The following MED13L variants were observed in gnomAD, a reference collection of about 807,000 sequenced individuals.
MED13L encodes mediator of RNA polymerase II transcription subunit 13-like.
Under a neutral mutation model 220.9 loss-of-function variants are expected in MED13L, and 7 were observed. That is an observed-to-expected ratio of 0.03 (90% CI 0.02 to 0.06). The LOEUF (loss-of-function observed/expected upper bound fraction) is 0.06, where lower values mean the gene tolerates loss of function less well. MED13L is among the 10% of genes least tolerant of loss of function. The pLI is 1.00. For synonymous variants in MED13L, 1,011 were observed against 1,015.2 expected, an observed-to-expected ratio of 1.00 and a Z score of 0.08; for missense variants, 1,965 against 2,760.5, an observed-to-expected ratio of 0.71 and a Z score of 6.46.
intron 4 of MED13L, among the ~76,000 whole-genome samples, chr12:116,084,215 T>C (rs1410500802): frequency 6.6e-6 from 1 of 152,200 alleles, no homozygotes; most frequent in Non-Finnish European, 1.5e-5. Flanking sequence ...GGGAAAAGGG[T>C]GAGCCTTTCC....
At chr12:116,093,244 T>C (rs1350224542) in intron 4 of MED13L, among the ~76,000 whole-genome samples, 2 of 152,150 alleles carry the variant, frequency 1.3e-5, no homozygotes, top group East Asian at 1.9e-4. Context: ...TGTTTGATTT[T>C]AGTTGTCACC....
At chr12:116,108,627 A>T (rs566251336) in intron 3 of MED13L, among the ~76,000 whole-genome samples, 2 of 152,190 alleles carry the variant, frequency 1.3e-5, no homozygotes, top group Non-Finnish European at 2.9e-5. Flanking sequence ...GAACAACAGG[A>T]TTAGTACCAT....
intron 13 of MED13L, among the ~76,000 whole-genome samples, chr12:116,004,630 T>C (rs1878936811): frequency 6.6e-6 from 1 of 152,082 alleles, no homozygotes; most frequent in African/African-American, 2.4e-5. Flanking sequence ...TCCTTATCCC[T>C]GAAAGCTAAT....
At chr12:116,242,822 GCTGTAACTGAATTTAAA>G (rs2138484529) in intron 1 of MED13L, among the ~76,000 whole-genome samples, 1 of 152,288 alleles carries the variant, frequency 6.6e-6, no homozygotes, top group Non-Finnish European at 1.5e-5. Flanking sequence ...CTAGATTTAA[GCTGTAACTGAATTTAAA>G]GTATAAATTC....
At chr12:116,131,968 G>A (rs1202480926) in intron 2 of MED13L, among the ~76,000 whole-genome samples, 1 of 151,918 alleles carries the variant, frequency 6.6e-6, no homozygotes, top group Non-Finnish European at 1.5e-5. Context: ...GGGTGGCAGA[G>A]CGCAACTCCA....
intron 2 of MED13L, among the ~76,000 whole-genome samples, chr12:116,173,953 G>T (rs1879868959): frequency 6.6e-6 from 1 of 152,022 alleles, no homozygotes; most frequent in Non-Finnish European, 1.5e-5. Flanking sequence ...GTAAAAATTA[G>T]CCCAGTGTGA....
intron 4 of MED13L, among the ~76,000 whole-genome samples, chr12:116,065,922 G>A (rs542134540): frequency 6.6e-6 from 1 of 152,352 alleles, no homozygotes; most frequent in South Asian, 2.1e-4. Context: ...AAAGAAAACA[G>A]TACATCAGTT....
chr12:116,020,340 A>G (rs534258819), intron 5 of MED13L, among the ~76,000 whole-genome samples: 1 of 152,310 alleles, frequency 6.6e-6, no homozygotes, highest in East Asian at 1.9e-4. Context: ...TCAGACAGCT[A>G]TGCTTTGAAG....
At chr12:116,068,600 T>C (rs534020033) in intron 4 of MED13L, among the ~76,000 whole-genome samples, 1 of 152,190 alleles carries the variant, frequency 6.6e-6, no homozygotes, top group South Asian at 2.1e-4. Flanking sequence ...CTGCTGCCTC[T>C]GTTTATTGCC....
In MED13L at chr12:115,983,458, T is replaced by G; in HGVS notation, c.4614A>C (p.Gly1538=). Reference sequence around the variant, plus strand: ...GCCCAGCATTCCCTGGCGTAGCTTGTCCCTGTGCTGCTGCTGGTGGGGTCT... The same window carrying G: ...GCCCAGCATTCCCTGGCGTAGCTTGGCCCTGTGCTGCTGCTGGTGGGGTCT... The part of the protein sequence containing the change: ...KYQTPPAAAQ[G]QATPGNAGPL... The change falls in exon 21 of 31, where the codon GGA becomes GGC. Residue 1538 remains glycine (G), a synonymous_variant. Transcript: ENST00000281928. 6.2e-7 allele frequency: 1 copy of G among 1,614,188 alleles called. No individual in the cohort carries two copies. Among genetic ancestry groups the G allele is most frequent in the Non-Finnish European group, 8.5e-7 (1 of 1,180,016 alleles).
At position 116,091,120 on chromosome 12, in the gene MED13L, C is replaced by CA. The variant is rs5801163; in HGVS notation, c.479+5548dup. ...TGGGTGACAGAGCGGAACTCTGTCT[C>CA]AAAAAAAAAAAAAAAAAAAAAGAAT... On this transcript the variant is annotated intron_variant, in intron 4 of 30. Coordinates refer to ENST00000281928, the MANE Select transcript of MED13L (RefSeq NM_015335.5). Among the ~76,000 whole-genome samples the CA allele has an allele frequency of 8.9e-3, 778 of 87,062 alleles. 15 individuals carry two copies. Among genetic ancestry groups the CA allele is most frequent in the South Asian group, 0.024 (61 of 2,574 alleles). 57.1% of individuals were successfully genotyped at this position (87,062 alleles called of 152,430 possible). A position where few individuals can be genotyped will look rare whatever the true frequency, so the allele number is the denominator to read the frequency against.
At chr12:116,221,491 C>A (rs1868435823) in intron 2 of MED13L, among the ~76,000 whole-genome samples, 1 of 151,998 alleles carries the variant, frequency 6.6e-6, no homozygotes, top group Non-Finnish European at 1.5e-5. Flanking sequence ...GATTACCAAG[C>A]ACCTACCACA....
chr12:115,994,601 C>T (rs1052896299), intron 16 of MED13L, among the ~76,000 whole-genome samples: 8 of 152,148 alleles, frequency 5.3e-5, no homozygotes, highest in African/African-American at 1.9e-4. Flanking sequence ...ATGATTTAAA[C>T]GATTACACAG....
intron 2 of MED13L, among the ~76,000 whole-genome samples, chr12:116,224,060 G>C (rs1418370083): frequency 6.6e-6 from 1 of 152,142 alleles, no homozygotes; most frequent in Non-Finnish European, 1.5e-5. Flanking sequence ...GCATTACGAT[G>C]GTCCTGGAAT....
Position 116,277,227 on chromosome 12 carries a change from G to A in MED13L, c.-96C>T. On this transcript the variant is annotated 5_prime_UTR_variant, in exon 1 of 31. Transcript: ENST00000281928. Reference sequence around the variant, plus strand: ...GCGGCGGCGCCTCGCCGGGGAGCGCGGGGCGGCCGGGCCGCCGCCGCCGCC... The same window carrying A: ...GCGGCGGCGCCTCGCCGGGGAGCGCAGGGCGGCCGGGCCGCCGCCGCCGCC... 2 of 640,888 alleles carry A rather than the reference G, an allele frequency of 3.1e-6. No individual in the cohort carries two copies. Among genetic ancestry groups the A allele is most frequent in the Non-Finnish European group, 3.9e-6 (2 of 514,572 alleles). 39.7% of individuals were successfully genotyped at this position (640,888 alleles called of 1,614,324 possible).
Position 115,982,861 on chromosome 12 carries a change from T to C in MED13L, c.4955+256A>G, listed in dbSNP as rs567534772. On this transcript the variant is annotated intron_variant, in intron 21 of 30. Transcript: ENST00000281928. The stretch of plus-strand genomic sequence containing the variant: ...TCCCCTTTCTTTTCTGTGGTTATGT[T>C]GTACAAAGTTGTTACTAATTAAGTT... 1.3e-4 allele frequency among the ~76,000 whole-genome samples: 20 copies of C among 152,340 alleles called. No individual in the cohort carries two copies. The South Asian group carries it at 3.9e-3, about 30-fold the overall frequency.
chr12:116,010,604 G>T (rs1312613098), intron 9 of MED13L, among the ~76,000 whole-genome samples: 1 of 152,142 alleles, frequency 6.6e-6, no homozygotes, highest in African/African-American at 2.4e-5. Context: ...CCTGATGCAG[G>T]CAGTGGGAAA....
chr12:116,207,681 TACAG>T (rs1882434331), intron 2 of MED13L, among the ~76,000 whole-genome samples: 1 of 151,882 alleles, frequency 6.6e-6, no homozygotes, highest in African/African-American at 2.4e-5. Flanking sequence ...AAAAAGAAGA[TACAG>T]ACAGATATAA....
intron 1 of MED13L, chr12:116,276,686 A>T (rs1248291619): frequency 5.0e-6 from 6 of 1,191,908 alleles, no homozygotes; most frequent in Non-Finnish European, 6.3e-6. Context: ...GCGCGGCAGC[A>T]CAAGGCAAAG....
Sources: gnomAD v4.1 joint callset for allele counts (sites outside exome capture counted in the v4.1 genomes callset) on GRCh38, gnomAD v4.1.1 for gene constraint, MANE v1.5 for transcripts, NCBI Gene and HGNC (gene_info 2026-07-23, HGNC 2026-07-21) for gene names.